GBF1: variants seen among roughly 807,000 people sequenced by gnomAD.
GBF1 encodes the protein Golgi-specific brefeldin A-resistance guanine nucleotide exchange factor 1.
A neutral mutation model predicts 210.5 loss-of-function variants in GBF1; 114 were observed. The ratio of observed to expected loss-of-function variants is 0.54; its 90% CI spans 0.47 to 0.63. GBF1 has a LOEUF of 0.63. GBF1 is among the 30% of genes least tolerant of loss of function. The pLI is 0.00. For missense variants in GBF1, 1,851 were observed against 2,357.7 expected (o/e 0.79, Z 4.45); for synonymous variants, 850 against 889.2 (o/e 0.96, Z 0.78).
intron 29 of GBF1, among the ~76,000 whole-genome samples, chr10:102,371,842 T>C (rs1405469674): frequency 6.6e-6 from 1 of 151,226 alleles, no homozygotes; most frequent in East Asian, 1.9e-4. Flanking sequence ...GGCAGGAGAA[T>C]CGCTTGAACT....
intron 7 of GBF1, among the ~76,000 whole-genome samples, chr10:102,353,055 T>C (rs1023174750): frequency 6.6e-6 from 1 of 152,138 alleles, no homozygotes; most frequent in Non-Finnish European, 1.5e-5. Context: ...TTCAACAGAC[T>C]CACAGAAGAG....
intron 1 of GBF1, among the ~76,000 whole-genome samples, chr10:102,251,186 T>C (rs2071480266): frequency 1.3e-5 from 2 of 152,218 alleles, no homozygotes; most frequent in Admixed American, 6.5e-5. Context: ...AAAAGAAGCA[T>C]TATGATATGG....
chr10:102,362,713 C>T (rs1027330154), intron 15 of GBF1, 49 bp downstream of exon 15: 7 of 1,418,554 alleles, frequency 4.9e-6, no homozygotes, highest in African/African-American at 2.8e-5. Context: ...ATGCTTATCC[C>T]TTCTCTACTC....
the GBF1 span, among the ~76,000 whole-genome samples, chr10:102,239,286 A>G: frequency 3.3e-5 from 5 of 152,166 alleles, no homozygotes; most frequent in African/African-American, 1.2e-4. Context: ...TTTGTTTCCA[A>G]TCACCTTCAT....
At chr10:102,299,806 T>TA (rs2077196360) in intron 3 of GBF1, among the ~76,000 whole-genome samples, 1 of 151,986 alleles carries the variant, frequency 6.6e-6, no homozygotes, top group Non-Finnish European at 1.5e-5. Flanking sequence ...AAAATAAATG[T>TA]AAAAAATGGG....
intron 3 of GBF1, among the ~76,000 whole-genome samples, chr10:102,308,050 G>C (rs1192014449): frequency 6.6e-6 from 1 of 152,016 alleles, no homozygotes; most frequent in African/African-American, 2.4e-5. Flanking sequence ...ATACCCTAAG[G>C]GTAAATAGGG....
At chr10:102,381,975 A>T in intron 39 of GBF1, 81 bp from the exon 40 acceptor site, 1 of 1,260,790 alleles carries the variant, frequency 7.9e-7, no homozygotes, top group Non-Finnish European at 1.1e-6. Flanking sequence ...CAGAGACTCT[A>T]TAAGCAGCCA....
intron 17 of GBF1, 67 bp from the exon 18 acceptor site, chr10:102,365,330 A>T (rs1345431636): frequency 3.3e-6 from 4 of 1,204,268 alleles, no homozygotes; most frequent in Non-Finnish European, 4.9e-6. Context: ...GCTATGGTGG[A>T]CTCCAGGCTG....
intron 17 of GBF1, among the ~76,000 whole-genome samples, chr10:102,364,198 CTG>C (rs2059773900): frequency 7.2e-6 from 1 of 138,778 alleles, no homozygotes; most frequent in Non-Finnish European, 1.5e-5. Context: ...GTTCAAATAA[CTG>C]TTTGTACTTT....
At chr10:102,340,935 ACAC>A (rs1320156645) in intron 3 of GBF1, among the ~76,000 whole-genome samples, 5 of 152,244 alleles carry the variant, frequency 3.3e-5, no homozygotes, top group African/African-American at 1.2e-4. Flanking sequence ...TTAAACCAAA[ACAC>A]AATCCATAAA....
At chr10:102,302,960 C>T (rs1465211960) in intron 3 of GBF1, among the ~76,000 whole-genome samples, 1 of 148,120 alleles carries the variant, frequency 6.8e-6, no homozygotes, top group Non-Finnish European at 1.5e-5. Context: ...TTAGCTTTTA[C>T]ATTTAGATCT....
chr10:102,234,115 G>A, the GBF1 span, among the ~76,000 whole-genome samples: 1 of 152,248 alleles, frequency 6.6e-6, no homozygotes, highest in Non-Finnish European at 1.5e-5. Flanking sequence ...TGGCATTAAT[G>A]TGGTGGATTA....
chr10:102,242,458 G>A (rs1189140584), upstream of GBF1, among the ~76,000 whole-genome samples: 1 of 152,236 alleles, frequency 6.6e-6, no homozygotes, highest in Admixed American at 6.5e-5. Flanking sequence ...GTTAAGTCCT[G>A]TGGGCAAGGT....
At chr10:102,235,182 C>CT in the GBF1 span, among the ~76,000 whole-genome samples, 1 of 132,112 alleles carries the variant, frequency 7.6e-6, no homozygotes, top group Admixed American at 7.3e-5. Context: ...ACCCCCCACC[C>CT]CCCCACCGCC....
At position 102,382,687 on chromosome 10, in the gene GBF1, C is replaced by T; in HGVS notation, c.*351C>T. 4.2e-6 allele frequency: 1 copy of T among 239,692 alleles called. No individual in the cohort carries two copies. Among genetic ancestry groups the T allele is most frequent in the Non-Finnish European group, 8.0e-6 (1 of 124,342 alleles). The allele number at this position is 239,692 out of a possible 1,614,324, so 14.8% of individuals were successfully genotyped here. A position where few individuals can be genotyped will look rare whatever the true frequency, so the allele number is the denominator to read the frequency against. On this transcript the variant is annotated 3_prime_UTR_variant, in exon 40 of 40. Transcript: ENST00000369983. ...TTGAAAACTAAGCCCAACCACTCTGCACTTTGTTTCCCACTCCCATTAGCC... is the reference window on the plus strand; with the variant it reads ...TTGAAAACTAAGCCCAACCACTCTGTACTTTGTTTCCCACTCCCATTAGCC...
chr10:102,350,844 G>T (rs1215196587), intron 4 of GBF1, among the ~76,000 whole-genome samples: 1 of 152,070 alleles, frequency 6.6e-6, no homozygotes, highest in Non-Finnish European at 1.5e-5. Flanking sequence ...AGCACTTTGG[G>T]AGGCCGAGGC....
chr10:102,266,120 T>C (rs1177710186), intron 3 of GBF1, among the ~76,000 whole-genome samples: 2 of 152,054 alleles, frequency 1.3e-5, no homozygotes, highest in Non-Finnish European at 2.9e-5. Context: ...GCGCCTGTAG[T>C]CCCAGCTACT....
intron 36 of GBF1, 66 bp from the exon 37 acceptor site, chr10:102,380,183 C>T (rs2060756151): frequency 1.9e-6 from 2 of 1,026,190 alleles, no homozygotes; most frequent in African/African-American, 1.6e-5. Context: ...CTTAGCTACC[C>T]AGCCTCAGAG....
chr10:102,324,254 A>G lies in GBF1; in HGVS notation c.164-19797A>G, dbSNP rs1252810191. ...GGGCTAGAGTCTTTTCTCACACACT[A>G]TGGACGTTGCTCAACAGAATGGGTG... is the stretch of plus-strand genomic sequence containing the variant. On this transcript the variant is annotated intron_variant, in intron 3 of 39. Coordinates refer to ENST00000369983, the MANE Select transcript of GBF1 (RefSeq NM_001377137.1). Among the ~76,000 whole-genome samples the G allele has an allele frequency of 6.6e-5, 10 of 152,246 alleles. No homozygotes were observed. In the East Asian group the frequency reaches 1.9e-3, roughly 29 times the overall value.
Sources: allele counts gnomAD v4.1 joint callset (sites outside exome capture counted in the v4.1 genomes callset), GRCh38; gene constraint gnomAD v4.1.1; transcripts MANE v1.5; gene names NCBI Gene and HGNC (gene_info 2026-07-23, HGNC 2026-07-21).